The following TNS3 variants were observed in gnomAD, a reference collection of about 807,000 sequenced individuals.
TNS3 encodes the protein tensin 3.
In TNS3, 45 loss-of-function variants were observed where a neutral mutation model predicts 140.9. The ratio of observed to expected loss-of-function variants is 0.32; its 90% CI spans 0.25 to 0.41. The LOEUF is 0.41. TNS3 is among the 10% of genes least tolerant of loss of function. The pLI, the probability that TNS3 is intolerant of heterozygous loss-of-function variation, is 1.00. For missense variants in TNS3, 1,716 were observed against 1,906.7 expected (o/e 0.90, Z 1.86); for synonymous variants, 815 against 788.4 (o/e 1.03, Z -0.56).
intron 1 of TNS3, among the ~76,000 whole-genome samples, chr7:47,574,684 G>C (rs1031954680): frequency 2.6e-5 from 4 of 152,008 alleles, no homozygotes; most frequent in African/African-American, 9.7e-5. Flanking sequence ...CTTAAAAAGA[G>C]AGAAATCGTG....
At chr7:47,473,288 C>A (rs1404674694) in intron 4 of TNS3, among the ~76,000 whole-genome samples, 3 of 152,304 alleles carry the variant, frequency 2.0e-5, no homozygotes, top group African/African-American at 7.2e-5. Flanking sequence ...GGATGCTGAT[C>A]TAACAGGATC....
At chr7:47,358,284 C>T (rs1298949668) in intron 17 of TNS3, among the ~76,000 whole-genome samples, 1 of 152,070 alleles carries the variant, frequency 6.6e-6, no homozygotes, top group African/African-American at 2.4e-5. Context: ...ACTACAGGCA[C>T]GTGCCACCAT....
At chr7:47,302,514 T>C (rs891493846) in intron 22 of TNS3, among the ~76,000 whole-genome samples, 11 of 152,128 alleles carry the variant, frequency 7.2e-5, no homozygotes, top group Non-Finnish European at 1.0e-4. Context: ...TAAGAATACA[T>C]AGGAAGGTAG....
chr7:47,376,381 GACAA>G (rs1172216382), intron 16 of TNS3, among the ~76,000 whole-genome samples: 4 of 152,158 alleles, frequency 2.6e-5, no homozygotes, highest in Non-Finnish European at 5.9e-5. Context: ...TTCATCACCT[GACAA>G]ACAGAGAGAA....
At chr7:47,345,650 CT>C (rs750211563) in intron 18 of TNS3, among the ~76,000 whole-genome samples, 1 of 152,178 alleles carries the variant, frequency 6.6e-6, no homozygotes, top group Non-Finnish European at 1.5e-5. Context: ...GAAGCCTTAC[CT>C]AGGCCTCTTG....
In TNS3 at chr7:47,275,185, A is replaced by G. The variant is rs1784822770; in HGVS notation, c.*2891T>C. The stretch of plus-strand genomic sequence containing the variant: ...AGTTCATAATTTTATTATACTCTGA[A>G]TAGAGATGATATTTAAGGAGCAGAG... On this transcript the variant is annotated 3_prime_UTR_variant, in exon 31 of 31. Transcript: ENST00000311160. 1 of 152,688 alleles carries G rather than the reference A, an allele frequency of 6.5e-6. No homozygotes were observed. The allele number at this position is 152,688 out of a possible 1,614,324, so 9.5% of individuals were successfully genotyped here. A position where few individuals can be genotyped will look rare whatever the true frequency, so the allele number is the denominator to read the frequency against.
intron 2 of TNS3, among the ~76,000 whole-genome samples, chr7:47,514,526 C>T (rs1798717116): frequency 6.6e-6 from 1 of 152,164 alleles, no homozygotes; most frequent in Non-Finnish European, 1.5e-5. Flanking sequence ...AAACTCCCTT[C>T]ATCCCACTTT....
chr7:47,440,569 A>C (rs1795417288), intron 5 of TNS3, among the ~76,000 whole-genome samples: 1 of 152,158 alleles, frequency 6.6e-6, no homozygotes, highest in Non-Finnish European at 1.5e-5. Flanking sequence ...GTGTGGAGTC[A>C]GGCACCCAAT....
intron 1 of TNS3, among the ~76,000 whole-genome samples, chr7:47,580,060 G>A (rs1437605614): frequency 2.6e-5 from 4 of 151,658 alleles, no homozygotes; most frequent in African/African-American, 9.7e-5. Context: ...GGGGCTACTA[G>A]TTTTTCTATC....
intron 10 of TNS3, among the ~76,000 whole-genome samples, chr7:47,423,343 G>A (rs987330519): frequency 1.3e-5 from 2 of 152,236 alleles, no homozygotes; most frequent in Non-Finnish European, 2.9e-5. Context: ...AAGTGCACCT[G>A]GATGGGGAGC....
At chr7:47,292,758 A>G (rs1785783156) in intron 26 of TNS3, 70 bp downstream of exon 26, 1 of 1,360,264 alleles carries the variant, frequency 7.4e-7, no homozygotes, top group African/African-American at 1.5e-5. Context: ...ATCTTCATGG[A>G]TCTCTAAAAC....
chr7:47,294,470 A>C (rs930527778), intron 24 of TNS3, among the ~76,000 whole-genome samples: 1 of 152,258 alleles, frequency 6.6e-6, no homozygotes, highest in African/African-American at 2.4e-5. Context: ...GGAAAAGTAC[A>C]AACAGCACAA....
intron 16 of TNS3, among the ~76,000 whole-genome samples, chr7:47,381,396 T>C (rs1169521636): frequency 6.6e-6 from 1 of 152,202 alleles, no homozygotes; most frequent in African/African-American, 2.4e-5. Context: ...ATCCTTTTCA[T>C]CTCAGCCTCA....
At chr7:47,426,109 C>A (rs1267015741) in intron 9 of TNS3, among the ~76,000 whole-genome samples, 1 of 151,970 alleles carries the variant, frequency 6.6e-6, no homozygotes, top group Non-Finnish European at 1.5e-5. Flanking sequence ...GGTGAAACCA[C>A]GTCTCTACTA....
chr7:47,484,871 G>A (rs550804801), intron 3 of TNS3, among the ~76,000 whole-genome samples: 104 of 152,290 alleles, frequency 6.8e-4, no homozygotes, highest in African/African-American at 1.9e-3. Context: ...ACCGTGGGTC[G>A]GGGCCAACTC....
chr7:47,357,736 G>A (rs115334280), intron 17 of TNS3, among the ~76,000 whole-genome samples: 378 of 144,622 alleles, frequency 2.6e-3, no homozygotes, highest in African/African-American at 8.9e-3. Context: ...GGTAGGCGCC[G>A]GCAAAACTGC....
intron 24 of TNS3, among the ~76,000 whole-genome samples, chr7:47,296,447 A>G (rs58481113): frequency 8.3e-4 from 127 of 152,324 alleles, no homozygotes; most frequent in African/African-American, 2.9e-3. Flanking sequence ...CAGCAATCCC[A>G]TTACTGGGTA....
chr7:47,521,332 C>T (rs1028185508), intron 2 of TNS3, among the ~76,000 whole-genome samples: 7 of 152,198 alleles, frequency 4.6e-5, no homozygotes, highest in Non-Finnish European at 5.9e-5. Flanking sequence ...CCCTTCGAAG[C>T]CTTGGTCACC....
At chr7:47,479,344 G>A (rs895655103) in intron 4 of TNS3, among the ~76,000 whole-genome samples, 1 of 152,220 alleles carries the variant, frequency 6.6e-6, no homozygotes, top group African/African-American at 2.4e-5. Context: ...CTCGGGACAG[G>A]CACACAGCTC....
Sources: gnomAD v4.1 joint callset for allele counts (sites outside exome capture counted in the v4.1 genomes callset) on GRCh38, gnomAD v4.1.1 for gene constraint, MANE v1.5 for transcripts, NCBI Gene and HGNC (gene_info 2026-07-23, HGNC 2026-07-21) for gene names.